The following OTUD7B variants were observed in gnomAD, a reference collection of about 807,000 sequenced individuals.
OTUD7B encodes OTU deubiquitinase 7B, also known as OTU domain-containing protein 7B.
A neutral mutation model predicts 82.2 loss-of-function variants in OTUD7B; 34 were observed. That is an observed-to-expected ratio of 0.41 (90% confidence interval 0.31 to 0.55). OTUD7B has a LOEUF of 0.55. Ranked by LOEUF, OTUD7B falls within the 20% of genes least tolerant of loss-of-function variation. The pLI, the probability that OTUD7B is intolerant of heterozygous loss-of-function variation, is 0.20. For missense variants in OTUD7B, 944 were observed against 1,062.1 expected, an observed-to-expected ratio of 0.89 and a Z score of 1.55; for synonymous variants, 398 against 402.7, an observed-to-expected ratio of 0.99 and a Z score of 0.14.
chr1:150,062,146 G>A, the OTUD7B span, among the ~76,000 whole-genome samples: 1 of 152,176 alleles, frequency 6.6e-6, no homozygotes, highest in Non-Finnish European at 1.5e-5. Flanking sequence ...AAGAAAGGAA[G>A]CTTCCTTGGG....
chr1:149,959,758 C>T lies in OTUD7B; in HGVS notation c.771G>A (p.Glu257=). The part of the protein sequence containing the change: ...LVYTEDEWQK[E]WNELIKLASS... ...AGGCAAGCTTGATCAGTTCATTCCA[C>T]TCCTTCTGCCATTCATCTTCTGTGT... Residue 257 remains glutamate (E), a synonymous_variant, in exon 7 of 12, where the codon GAG becomes GAA. Coordinates refer to ENST00000581312, the MANE Select transcript of OTUD7B (RefSeq NM_020205.4). The T allele has an allele frequency of 6.2e-7, 1 of 1,614,042 alleles. No individual in the cohort carries two copies. The highest frequency in any genetic ancestry group is 1.1e-5 in the South Asian group (1 of 91,076).
At chr1:150,015,719 T>C (rs114117346), upstream of OTUD7B, among the ~76,000 whole-genome samples, 1,408 of 151,554 alleles carry the variant, frequency 9.3e-3, 24 homozygotes, top group African/African-American at 0.033. Context: ...TATAGAACCT[T>C]GATTAGGTTC....
chr1:149,966,749 A>G (rs782521467), intron 4 of OTUD7B, among the ~76,000 whole-genome samples: 3 of 152,234 alleles, frequency 2.0e-5, no homozygotes, highest in Admixed American at 6.5e-5. Flanking sequence ...TATGGTTAAT[A>G]TAGAAGGTTA....
At chr1:150,039,376 T>C in the OTUD7B span, among the ~76,000 whole-genome samples, 2 of 39,300 alleles carry the variant, frequency 5.1e-5, no homozygotes, top group Non-Finnish European at 7.9e-5. Flanking sequence ...TCTTCATTTA[T>C]TAAAAAAAAA....
chr1:149,950,055 G>A lies in OTUD7B; in HGVS notation c.973+39C>T, dbSNP rs371310339. 1.2e-5 allele frequency: 19 copies of A among 1,611,126 alleles called. No homozygotes were observed. In the African/African-American group the frequency reaches 2.3e-4, roughly 19 times the overall value. On this transcript the variant is annotated intron_variant, in intron 8 of 11. Coordinates refer to ENST00000581312, the MANE Select transcript of OTUD7B (RefSeq NM_020205.4). ...CTTAGCCTAAGGCTTTGCAAAAGGG[G>A]GTGCTCAGCATGGAGTGAGGACTGA...
intron 1 of OTUD7B, among the ~76,000 whole-genome samples, chr1:149,997,802 G>T (rs1553783712): frequency 6.6e-6 from 1 of 152,060 alleles, no homozygotes; most frequent in African/African-American, 2.4e-5. Flanking sequence ...TTCCCATTTT[G>T]TTTTCCAGGC....
chr1:150,061,324 C>T, the OTUD7B span, among the ~76,000 whole-genome samples: 4 of 152,124 alleles, frequency 2.6e-5, no homozygotes, highest in East Asian at 5.8e-4. Context: ...TTTCTATACC[C>T]CTACCATCTT....
chr1:149,982,782 TAAACTC>T (rs1168121778), intron 1 of OTUD7B, among the ~76,000 whole-genome samples: 5 of 148,406 alleles, frequency 3.4e-5, no homozygotes, highest in African/African-American at 1.2e-4. Flanking sequence ...CTCTAAATCT[TAAACTC>T]AAACATTTTA....
upstream of OTUD7B, chr1:150,010,790 C>A (rs1348969456): frequency 6.6e-6 from 1 of 152,194 alleles, no homozygotes. Context: ...GGTGGTGACA[C>A]CCAGGCCGCC....
chr1:149,977,904 C>T (rs1229848428), intron 1 of OTUD7B, among the ~76,000 whole-genome samples: 1 of 152,128 alleles, frequency 6.6e-6, no homozygotes, highest in Non-Finnish European at 1.5e-5. Flanking sequence ...TAAAGAACTC[C>T]CCACCTGCAA....
At chr1:150,022,701 C>G in the OTUD7B span, among the ~76,000 whole-genome samples, 2 of 152,196 alleles carry the variant, frequency 1.3e-5, no homozygotes, top group African/African-American at 4.8e-5. Context: ...GCCACTACAA[C>G]AAGTGGAAGT....
At chr1:150,026,614 A>G in the OTUD7B span, among the ~76,000 whole-genome samples, 1 of 152,114 alleles carries the variant, frequency 6.6e-6, no homozygotes, top group Non-Finnish European at 1.5e-5. Context: ...CTTTCCTGGG[A>G]TTTTCTAACT....
chr1:150,010,002 C>T (rs1287843923), intron 1 of OTUD7B, among the ~76,000 whole-genome samples: 1 of 152,120 alleles, frequency 6.6e-6, no homozygotes, highest in Non-Finnish European at 1.5e-5. Flanking sequence ...TTACTGTATG[C>T]ACCTTAGTTT....
chr1:149,938,886 C>T lies in OTUD7B; in HGVS notation c.*4971G>A, dbSNP rs1451915886. The T allele has an allele frequency of 7.0e-6, 1 of 142,104 alleles. No homozygotes were observed. The highest frequency in any genetic ancestry group is 2.3e-4 in the South Asian group (1 of 4,394). The allele number at this position is 142,104 out of a possible 1,614,324, so 8.8% of individuals were successfully genotyped here. A position where few individuals can be genotyped will look rare whatever the true frequency, so the allele number is the denominator to read the frequency against. On this transcript the variant is annotated 3_prime_UTR_variant, in exon 12 of 12. Coordinates refer to ENST00000581312, the MANE Select transcript of OTUD7B (RefSeq NM_020205.4). ...GACGAAGGTTGCAGTGAGCCGGGAT[C>T]GCGCCATTGCACTCCATCCTGGGCG...
At position 149,945,070 on chromosome 1, in the gene OTUD7B, A is replaced by G. The variant is rs781922940; in HGVS notation, c.1324-5T>C. On this transcript the variant is annotated splice_polypyrimidine_tract_variant and splice_region_variant and intron_variant, in intron 11 of 11. Transcript: ENST00000581312. ...CTCAGGCTGGGCCAGAGGAGCCTGGAAGAGACAAGAACACTGTTGACAGTT... is the reference window on the plus strand; with the variant it reads ...CTCAGGCTGGGCCAGAGGAGCCTGGGAGAGACAAGAACACTGTTGACAGTT... 2 of 1,611,472 alleles carry G rather than the reference A, an allele frequency of 1.2e-6. No homozygotes were observed. Among genetic ancestry groups the G allele is most frequent in the South Asian group, 2.2e-5 (2 of 91,024 alleles).
intron 4 of OTUD7B, among the ~76,000 whole-genome samples, chr1:149,966,675 CT>C: frequency 6.6e-6 from 1 of 152,174 alleles, no homozygotes; most frequent in South Asian, 2.1e-4. Context: ...GAATGAAAAA[CT>C]GGCTTATAAA....
rs182453829 is a variant in OTUD7B at position 149,955,959 on chromosome 1, G to A, written c.845+3725C>T. Among the ~76,000 whole-genome samples the A allele has an allele frequency of 1.9e-3, 287 of 152,050 alleles. 2 individuals are homozygous for A. Among genetic ancestry groups the A allele is most frequent in the African/African-American group, 6.6e-3 (275 of 41,444 alleles). ...ACCTGAGATGGGTCTCCTGAATATC[G>A]CACACTGATGGGTCTTGACTCTTTA... is the stretch of plus-strand genomic sequence containing the variant. On this transcript the variant is annotated intron_variant, in intron 7 of 11. Transcript: ENST00000581312.
intron 2 of OTUD7B, among the ~76,000 whole-genome samples, chr1:149,975,890 G>A (rs1026533639): frequency 5.9e-5 from 9 of 151,638 alleles, no homozygotes; most frequent in Non-Finnish European, 7.4e-5. Context: ...GCATGGTGGC[G>A]CGCGTCTGTA....
chr1:149,942,385 G>T lies in OTUD7B; in HGVS notation c.*1472C>A, dbSNP rs1216149065. The T allele has an allele frequency of 6.6e-6, 1 of 152,574 alleles. No individual in the cohort carries two copies. The highest frequency in any genetic ancestry group is 1.5e-5 in the Non-Finnish European group (1 of 68,018). 9.5% of individuals were successfully genotyped at this position (152,574 alleles called of 1,614,324 possible). A position where few individuals can be genotyped will look rare whatever the true frequency, so the allele number is the denominator to read the frequency against. On this transcript the variant is annotated 3_prime_UTR_variant, in exon 12 of 12. Transcript: ENST00000581312. Reference sequence around the variant, plus strand: ...TTCCGGTTTAAAGCTCTTAGAAATGGCTCTGGCCAGAGCATAGGCTGTTCA... The same window carrying T: ...TTCCGGTTTAAAGCTCTTAGAAATGTCTCTGGCCAGAGCATAGGCTGTTCA...
Sources: allele counts gnomAD v4.1 joint callset (sites outside exome capture counted in the v4.1 genomes callset), GRCh38; gene constraint gnomAD v4.1.1; transcripts MANE v1.5; gene names NCBI Gene and HGNC (gene_info 2026-07-23, HGNC 2026-07-21).